TRIM39: variants seen among roughly 807,000 people sequenced by gnomAD.
The protein encoded by TRIM39 is tripartite motif containing 39.
Under a neutral mutation model 53.6 loss-of-function variants are expected in TRIM39, and 5 were observed. The observed-to-expected ratio is 0.09, with a 90% CI of 0.05 to 0.20. TRIM39 has a LOEUF of 0.20. Ranked by LOEUF, TRIM39 falls within the 10% of genes least tolerant of loss-of-function variation. The probability of loss-of-function intolerance (pLI) is 1.00; values close to 1 mark genes in which losing one functional copy is unlikely to be tolerated. For synonymous variants in TRIM39, 196 were observed against 237.6 expected, an observed-to-expected ratio of 0.82 and a Z score of 1.61; for missense variants, 310 against 621.0, an observed-to-expected ratio of 0.50 and a Z score of 5.32.
At chr6:30,341,548 C>T in intron 7 of TRIM39, 164 bp from the exon 8 acceptor site, 11 of 1,055,556 alleles carry the variant, frequency 1.0e-5, no homozygotes, top group Non-Finnish European at 1.6e-5. Flanking sequence ...ATTGCTTTCT[C>T]CCCTTCCTTA....
intron 5 of TRIM39, 196 bp downstream of exon 5, chr6:30,336,171 T>C: frequency 1.2e-6 from 1 of 811,630 alleles, no homozygotes; most frequent in Non-Finnish European, 2.1e-6. Flanking sequence ...TTTGTGTTCT[T>C]ATCTCTGGTC....
intron 1 of TRIM39, among the ~76,000 whole-genome samples, chr6:30,328,675 G>A (rs1410632101): frequency 2.0e-5 from 3 of 151,774 alleles, no homozygotes; most frequent in Non-Finnish European, 2.9e-5. Context: ...TGTCATTAGT[G>A]TCAATGTATT....
chr6:30,337,290 AG>A (rs1441204737), intron 5 of TRIM39, among the ~76,000 whole-genome samples: 1 of 152,178 alleles, frequency 6.6e-6, no homozygotes, highest in Admixed American at 6.5e-5. Flanking sequence ...CTGTAATCCC[AG>A]CTACTCGGGA....
intron 4 of TRIM39, among the ~76,000 whole-genome samples, chr6:30,334,498 C>T (rs192137656): frequency 8.5e-5 from 13 of 152,296 alleles, no homozygotes; most frequent in Non-Finnish European, 1.5e-4. Flanking sequence ...TACTAACAAA[C>T]TTCTGTAACC....
At chr6:30,341,059 T>G (rs1787464511) in intron 7 of TRIM39, among the ~76,000 whole-genome samples, 1 of 151,934 alleles carries the variant, frequency 6.6e-6, no homozygotes, top group Admixed American at 6.6e-5. Flanking sequence ...AATATAAAAA[T>G]TAGCCAGATG....
intron 4 of TRIM39, among the ~76,000 whole-genome samples, chr6:30,331,783 T>G (rs1288188288): frequency 6.6e-6 from 1 of 152,226 alleles, no homozygotes; most frequent in Non-Finnish European, 1.5e-5. Context: ...ATTCTTAATT[T>G]TCATACAATT....
chr6:30,340,591 C>T (rs765751274), exon 7 of TRIM39: 28 of 1,612,778 alleles, frequency 1.7e-5, no homozygotes, highest in African/African-American at 4.0e-5. Context: ...CAGTACTTTG[C>T]CCTAAGGAAA....
rs138811470 is a variant in TRIM39, at chr6:30,329,220, A to T, written c.-7-91A>T. ...TCTGGAGTTAGGACTTAACATAGGG[A>T]TAAATGTCGGGTCAGGGATGCAAAA... On this transcript the variant is annotated intron_variant, in intron 2 of 7. Transcript: ENST00000396551. 9 of 1,415,626 alleles carry T rather than the reference A, an allele frequency of 6.4e-6. No homozygotes were observed. The African/African-American group carries it at 1.1e-4, about 18-fold the overall frequency. 87.7% of individuals were successfully genotyped at this position (1,415,626 alleles called of 1,614,324 possible).
chr6:30,340,371 T>G (rs1787362326), intron 6 of TRIM39, 134 bp from the exon 7 acceptor site: 1 of 1,612,494 alleles, frequency 6.2e-7, no homozygotes, highest in African/African-American at 1.3e-5. Flanking sequence ...GGTGAGCTTT[T>G]CAGGGAGGAG....
Position 30,329,312 on chromosome 6 carries a change from T to A in TRIM39, c.-6T>A. ...TCTGTCCTCTTCCCCACTCCCAAGT[T>A]AAATTATGGCAGAGACAAGTCTGTT... On this transcript the variant is annotated splice_region_variant and 5_prime_UTR_variant, in exon 3 of 8. It removes the in-frame stop codon of an upstream open reading frame in the 5' UTR. Coordinates refer to ENST00000396551, the Ensembl canonical transcript of TRIM39. 6.2e-7 allele frequency: 1 copy of A among 1,602,936 alleles called. No individual in the cohort carries two copies. Among genetic ancestry groups the A allele is most frequent in the Non-Finnish European group, 8.5e-7 (1 of 1,173,934 alleles).
At chr6:30,337,061 T>C (rs1227295934) in intron 5 of TRIM39, among the ~76,000 whole-genome samples, 2 of 152,190 alleles carry the variant, frequency 1.3e-5, no homozygotes, top group Non-Finnish European at 2.9e-5. Context: ...TGAGCAGTAA[T>C]ATTTTGAAAG....
chr6:30,326,967 C>A (rs988187232), exon 1 of TRIM39: 1 of 152,132 alleles, frequency 6.6e-6, no homozygotes, highest in African/African-American at 2.4e-5. Context: ...GGCTCCGCGC[C>A]CCGCACTCCC....
exon 1 of TRIM39, chr6:30,326,548 C>T (rs997775431): frequency 5.2e-5 from 8 of 152,818 alleles, no homozygotes; most frequent in Non-Finnish European, 1.2e-4. Flanking sequence ...TTCAGCTGCA[C>T]CGGGAGGCGG....
intron 4 of TRIM39, among the ~76,000 whole-genome samples, chr6:30,333,353 G>GTTTTT (rs9278647): frequency 5.7e-5 from 6 of 106,082 alleles, no homozygotes; most frequent in African/African-American, 1.2e-4. Context: ...TGTTTTTGTG[G>GTTTTT]TTTTTTTTTT....
intron 4 of TRIM39, among the ~76,000 whole-genome samples, chr6:30,332,894 T>C (rs1371136287): frequency 1.3e-5 from 2 of 152,208 alleles, no homozygotes; most frequent in Admixed American, 6.5e-5. Flanking sequence ...AAAAAATAAT[T>C]TGTAATTATG....
chr6:30,333,078 CT>C lies in TRIM39; in HGVS notation c.549+2203del, dbSNP rs200387800. Among the ~76,000 whole-genome samples the C allele has an allele frequency of 6.7e-3, 1,014 of 152,232 alleles. 3 individuals are homozygous for C. The highest frequency in any genetic ancestry group is 0.024 in the Middle Eastern group (7 of 294). On this transcript the variant is annotated intron_variant, in intron 4 of 7. Coordinates refer to ENST00000396551, the Ensembl canonical transcript of TRIM39. Reference sequence around the variant, plus strand: ...AGTGTAGCTGGTTATATGCTTGCCCCTATATGTGTCATTATCAGCAACGCCA... The same window carrying C: ...AGTGTAGCTGGTTATATGCTTGCCCCATATGTGTCATTATCAGCAACGCCA...
intron 7 of TRIM39, 69 bp downstream of exon 7, chr6:30,340,689 T>C (rs1787413270): frequency 2.0e-6 from 3 of 1,502,048 alleles, no homozygotes; most frequent in South Asian, 1.3e-5. Flanking sequence ...TCCTACCTTA[T>C]ATGGGTTTCA....
Position 30,339,756 on chromosome 6 carries a change from G to T in TRIM39, c.781-152G>T. ...ATTAGGTTGGGAGAAGTGCATTCAGGTCCCGCTGGAGCTCTTCTTGCACTG... is the reference window on the plus strand; with the variant it reads ...ATTAGGTTGGGAGAAGTGCATTCAGTTCCCGCTGGAGCTCTTCTTGCACTG... On this transcript the variant is annotated intron_variant, in intron 5 of 7. Transcript: ENST00000396551. The surrounding 1 kb of genome is among the most constrained non-coding windows in gnomAD (Gnocchi z 4.2). 9.6e-7 allele frequency: 1 copy of T among 1,044,352 alleles called. No homozygotes were observed. The highest frequency in any genetic ancestry group is 1.4e-6 in the Non-Finnish European group (1 of 698,374). 64.7% of individuals were successfully genotyped at this position (1,044,352 alleles called of 1,614,324 possible). A position where few individuals can be genotyped will look rare whatever the true frequency, so the allele number is the denominator to read the frequency against.
chr6:30,330,848 C>T (rs139957931), exon 4 of TRIM39: 260 of 1,614,154 alleles, frequency 1.6e-4, no homozygotes, highest in Non-Finnish European at 2.1e-4. Context: ...TGCAAGTCCT[C>T]TGAGGAGAAG....
Sources: gnomAD v4.1 joint callset for allele counts (sites outside exome capture counted in the v4.1 genomes callset) on GRCh38, gnomAD v4.1.1 for gene constraint, Gnocchi (gnomAD v3.1) non-coding constraint, MANE v1.5 for transcripts, NCBI Gene and HGNC (gene_info 2026-07-23, HGNC 2026-07-21) for gene names.